RAB3A: variants seen among roughly 807,000 people sequenced by gnomAD.
RAB3A encodes RAB3A, member RAS oncogene family, also known as ras-related protein Rab-3A.
RAB3A carries 5 observed loss-of-function variants against 19.7 expected under a neutral mutation model. The ratio of observed to expected loss-of-function variants is 0.25; its 90% CI spans 0.13 to 0.53. The LOEUF (loss-of-function observed/expected upper bound fraction) is 0.53. RAB3A is among the 20% of genes least tolerant of loss of function. The pLI is 0.95. For missense variants in RAB3A, 189 were observed against 305.6 expected (o/e 0.62, Z 2.85); for synonymous variants, 119 against 122.1 (o/e 0.97, Z 0.17).
At position 18,202,672 on chromosome 19, in the gene RAB3A, G is replaced by A. The variant is rs1967628674; in HGVS notation, c.69C>T (p.Phe23=). The part of the protein sequence containing the change: ...ESSDQNFDYM[F]KILIIGNSSV... Reference sequence around the variant, plus strand: ...TGCTGTTGCCGATGATGAGAATCTTGAACATGTAGTCGAAGTTCTGATCCG... The same window carrying A: ...TGCTGTTGCCGATGATGAGAATCTTAAACATGTAGTCGAAGTTCTGATCCG... The change falls in exon 2 of 5, where the codon TTC becomes TTT. Residue 23 remains phenylalanine, a synonymous_variant. Coordinates refer to ENST00000222256, the MANE Select transcript of RAB3A (RefSeq NM_002866.5). This position sits in a 1 kb window ranked among gnomAD's most constrained non-coding sequence, Gnocchi z 4.2. 6.2e-7 allele frequency: 1 copy of A among 1,614,072 alleles called. No homozygotes were observed. Among genetic ancestry groups the A allele is most frequent in the Non-Finnish European group, 8.5e-7 (1 of 1,180,030 alleles).
rs933997018 is a variant in RAB3A, at chr19:18,202,259, T to C, written c.228+254A>G. 1.6e-5 allele frequency: 7 copies of C among 443,974 alleles called. No individual in the cohort carries two copies. Among genetic ancestry groups the C allele is most frequent in the Non-Finnish European group, 2.9e-5 (7 of 242,056 alleles). The allele number at this position is 443,974 out of a possible 1,614,324, so 27.5% of individuals were successfully genotyped here. A position where few individuals can be genotyped will look rare whatever the true frequency, so the allele number is the denominator to read the frequency against. Reference sequence around the variant, plus strand: ...TCAAAAAACAAACAAAAAAAGAGAATGGGGACCAAGATCCAGCTGAAACCT... The same window carrying C: ...TCAAAAAACAAACAAAAAAAGAGAACGGGGACCAAGATCCAGCTGAAACCT... On this transcript the variant is annotated intron_variant, in intron 2 of 4. Coordinates refer to ENST00000222256, the MANE Select transcript of RAB3A (RefSeq NM_002866.5). This position sits in a 1 kb window ranked among gnomAD's most constrained non-coding sequence, Gnocchi z 4.2.
chr19:18,201,307 C>T (rs993907620), intron 2 of RAB3A, among the ~76,000 whole-genome samples: 7 of 133,796 alleles, frequency 5.2e-5, no homozygotes, highest in South Asian at 2.4e-4. Context: ...AGAGGCCAGG[C>T]GTGGTGGCTC....
In RAB3A at chr19:18,202,696, C is replaced by T. The variant is rs1967628883; in HGVS notation, c.45G>A (p.Ser15=). The change falls in exon 2 of 5, where the codon TCG becomes TCA. Residue 15 remains serine, a synonymous_variant. Transcript: ENST00000222256. The surrounding 1 kb of genome is among the most constrained non-coding windows in gnomAD (Gnocchi z 4.2). ...TDSRYGQKES[S]DQNFDYMFKI... is the part of the protein sequence containing the mutation. Reference sequence around the variant, plus strand: ...TGAACATGTAGTCGAAGTTCTGATCCGAGGACTCCTTCTGCCCATAGCGCG... The same window carrying T: ...TGAACATGTAGTCGAAGTTCTGATCTGAGGACTCCTTCTGCCCATAGCGCG... The T allele has an allele frequency of 6.2e-7, 1 of 1,614,126 alleles. No homozygotes were observed. The highest frequency in any genetic ancestry group is 8.5e-7 in the Non-Finnish European group (1 of 1,180,008).
At chr19:18,197,850 C>A (rs1967553070) in intron 4 of RAB3A, among the ~76,000 whole-genome samples, 190 bp from the exon 5 acceptor site, 2 of 134,226 alleles carry the variant, frequency 1.5e-5, no homozygotes, top group South Asian at 2.3e-4. Context: ...CAACATGGAA[C>A]TGGGTCAGCT....
chr19:18,199,744 G>A (rs1442984130), intron 3 of RAB3A, among the ~76,000 whole-genome samples: 3 of 150,190 alleles, frequency 2.0e-5, no homozygotes, highest in Non-Finnish European at 3.0e-5. Context: ...GGCTGGTCTC[G>A]AACTCCCGAC....
At chr19:18,201,263 A>AAAAG (rs71164380) in intron 2 of RAB3A, among the ~76,000 whole-genome samples, 25,331 of 120,910 alleles carry the variant, frequency 0.21, 3,064 homozygotes, top group South Asian at 0.33. Context: ...AAAAAAAAAA[A>AAAAG]AAAGAAAGAA....
Position 18,197,071 on chromosome 19 carries a change from A to T in RAB3A, c.*399T>A. 1 of 190,234 alleles carries T rather than the reference A, an allele frequency of 5.3e-6. No individual in the cohort carries two copies. The allele number at this position is 190,234 out of a possible 1,614,324, so 11.8% of individuals were successfully genotyped here. A position where few individuals can be genotyped will look rare whatever the true frequency, so the allele number is the denominator to read the frequency against. On this transcript the variant is annotated 3_prime_UTR_variant, in exon 5 of 5. Transcript: ENST00000222256. The stretch of plus-strand genomic sequence containing the variant: ...ACCGCGGCAGAGCCGAGGGGCTGGC[A>T]GGCCTGGCCACCTCCCATTGCCCGA...
In RAB3A at chr19:18,199,219, C is replaced by T. The variant is rs146350629; in HGVS notation, c.348-370G>A. Among the ~76,000 whole-genome samples the T allele has an allele frequency of 2.6e-4, 39 of 151,416 alleles. No homozygotes were observed. The East Asian group carries it at 7.5e-3, about 29-fold the overall frequency. ...TCGCCCAGGCTGGAGTGCAGTGGCGCGATCTAGGCTCACTGCAATCTCCGC... is the reference window on the plus strand; with the variant it reads ...TCGCCCAGGCTGGAGTGCAGTGGCGTGATCTAGGCTCACTGCAATCTCCGC... On this transcript the variant is annotated intron_variant, in intron 3 of 4. Coordinates refer to ENST00000222256, the MANE Select transcript of RAB3A (RefSeq NM_002866.5).
intron 4 of RAB3A, among the ~76,000 whole-genome samples, chr19:18,197,873 CTTT>C (rs56264905): frequency 1.1e-5 from 1 of 90,158 alleles, no homozygotes. Flanking sequence ...GCATTTCCTG[CTTT>C]TTTTTTTTTT....
intron 2 of RAB3A, among the ~76,000 whole-genome samples, chr19:18,201,997 C>T (rs2147983477): frequency 6.6e-6 from 1 of 152,126 alleles, no homozygotes; most frequent in East Asian, 1.9e-4. Context: ...CTTTGAGAGG[C>T]TGAGGTGGGA....
At position 18,204,028 on chromosome 19, in the gene RAB3A, T is replaced by C; in HGVS notation, c.-133A>G. The C allele has an allele frequency of 6.5e-6, 1 of 154,380 alleles. No individual in the cohort carries two copies. The highest frequency in any genetic ancestry group is 1.5e-5 in the Non-Finnish European group (1 of 68,576). 9.6% of individuals were successfully genotyped at this position (154,380 alleles called of 1,614,324 possible). A position where few individuals can be genotyped will look rare whatever the true frequency, so the allele number is the denominator to read the frequency against. Reference sequence around the variant, plus strand: ...GCAGCGGCTCAGGCCCCTGCAGTCCTCCGTGACGTCCTGCAAAGGGAGGGG... The same window carrying C: ...GCAGCGGCTCAGGCCCCTGCAGTCCCCCGTGACGTCCTGCAAAGGGAGGGG... On this transcript the variant is annotated 5_prime_UTR_variant, in exon 1 of 5. Transcript: ENST00000222256.
Position 18,200,317 on chromosome 19 carries a change from G to A in RAB3A, c.347+10C>T. 6.3e-7 allele frequency: 1 copy of A among 1,579,074 alleles called. No individual in the cohort carries two copies. The highest frequency in any genetic ancestry group is 8.6e-7 in the Non-Finnish European group (1 of 1,158,482). On this transcript the variant is annotated intron_variant, in intron 3 of 4. Transcript: ENST00000222256. The stretch of plus-strand genomic sequence containing the variant: ...AAAAGAAAAAAAAAGAGCAAGTGGG[G>A]TACACTCACCAGTCCTGCACTGCAT...
At chr19:18,203,569 C>T (rs1266700009) in intron 1 of RAB3A, among the ~76,000 whole-genome samples, 1 of 152,202 alleles carries the variant, frequency 6.6e-6, no homozygotes, top group Non-Finnish European at 1.5e-5. Flanking sequence ...AGGGTGCACA[C>T]AGACCCGCTG....
At chr19:18,199,922 T>G (rs912783614) in intron 3 of RAB3A, among the ~76,000 whole-genome samples, 1 of 152,198 alleles carries the variant, frequency 6.6e-6, no homozygotes, top group Non-Finnish European at 1.5e-5. Flanking sequence ...GAAATCCTTC[T>G]CTGACCCCTA....
In RAB3A at chr19:18,196,947, A is replaced by C. The variant is rs1189675975; in HGVS notation, c.*523T>G. 25 of 132,708 alleles carry C rather than the reference A, an allele frequency of 1.9e-4. No homozygotes were observed. Among genetic ancestry groups the C allele is most frequent in the Admixed American group, 3.9e-4 (5 of 12,902 alleles). The allele number at this position is 132,708 out of a possible 1,614,324, so 8.2% of individuals were successfully genotyped here. ...CCAGGGTGGTGAATACCCACAGCAC[A>C]CCCCCCCACCAAAAGAGAAAACGGG... is the stretch of plus-strand genomic sequence containing the variant. On this transcript the variant is annotated 3_prime_UTR_variant, in exon 5 of 5. Coordinates refer to ENST00000222256, the MANE Select transcript of RAB3A (RefSeq NM_002866.5).
intron 2 of RAB3A, 67 bp from the exon 3 acceptor site, chr19:18,200,512 T>G: frequency 1.5e-6 from 2 of 1,327,228 alleles, no homozygotes. Context: ...AAATGAGCTC[T>G]GATATCATCC....
At position 18,202,483 on chromosome 19, in the gene RAB3A, C is replaced by T. The variant is rs762313407; in HGVS notation, c.228+30G>A. On this transcript the variant is annotated intron_variant, in intron 2 of 4. Coordinates refer to ENST00000222256, the MANE Select transcript of RAB3A (RefSeq NM_002866.5). This position sits in a 1 kb window ranked among gnomAD's most constrained non-coding sequence, Gnocchi z 4.2. The stretch of plus-strand genomic sequence containing the variant: ...TTCCAAGTACGGGAATCCAACCGAG[C>T]CGGGCGGGAGCCCTCCAGCTGGGAC... The T allele has an allele frequency of 1.9e-6, 3 of 1,597,058 alleles. No homozygotes were observed. The highest frequency in any genetic ancestry group is 1.7e-5 in the Admixed American group (1 of 59,656).
Position 18,202,348 on chromosome 19 carries a change from C to T in RAB3A, c.228+165G>A, listed in dbSNP as rs117182826. 2.4e-3 allele frequency: 1,497 copies of T among 614,818 alleles called. 5 individuals are homozygous for T. The highest frequency in any genetic ancestry group is 2.8e-3 in the Non-Finnish European group (992 of 349,586). The allele number at this position is 614,818 out of a possible 1,614,324, so 38.1% of individuals were successfully genotyped here. A position where few individuals can be genotyped will look rare whatever the true frequency, so the allele number is the denominator to read the frequency against. ...CCAGGATTAGGTGCTTATGGGAGAA[C>T]ACAGGTGCTGTTTCTGCCCCGGTAC... On this transcript the variant is annotated intron_variant, in intron 2 of 4. Coordinates refer to ENST00000222256, the MANE Select transcript of RAB3A (RefSeq NM_002866.5). The surrounding 1 kb of genome is among the most constrained non-coding windows in gnomAD (Gnocchi z 4.2).
At position 18,196,808 on chromosome 19, in the gene RAB3A, C is replaced by T. The variant is rs1967528300; in HGVS notation, c.*662G>A. 3.4e-6 allele frequency: 1 copy of T among 293,442 alleles called. No individual in the cohort carries two copies. The highest frequency in any genetic ancestry group is 6.6e-6 in the Non-Finnish European group (1 of 151,372). 18.2% of individuals were successfully genotyped at this position (293,442 alleles called of 1,614,324 possible). A position where few individuals can be genotyped will look rare whatever the true frequency, so the allele number is the denominator to read the frequency against. On this transcript the variant is annotated 3_prime_UTR_variant, in exon 5 of 5. Coordinates refer to ENST00000222256, the MANE Select transcript of RAB3A (RefSeq NM_002866.5). Reference sequence around the variant, plus strand: ...CTCACAGGGACACACATGGATGGTCCATTCGCTTTATTGGGTGCGTGTAGT... The same window carrying T: ...CTCACAGGGACACACATGGATGGTCTATTCGCTTTATTGGGTGCGTGTAGT...
Sources: gnomAD v4.1 joint callset for allele counts (sites outside exome capture counted in the v4.1 genomes callset) on GRCh38, gnomAD v4.1.1 for gene constraint, Gnocchi (gnomAD v3.1) non-coding constraint, MANE v1.5 for transcripts, NCBI Gene and HGNC (gene_info 2026-07-23, HGNC 2026-07-21) for gene names.